The following KIAA1217 variants were observed in gnomAD, a reference collection of about 807,000 sequenced individuals.
KIAA1217 encodes KIAA1217.
A neutral mutation model predicts 163.9 loss-of-function variants in KIAA1217; 88 were observed. That is an observed-to-expected ratio of 0.54 (90% CI 0.45 to 0.64). KIAA1217 has a LOEUF of 0.64. Among genes scored for constraint, KIAA1217 ranks in the 30% least tolerant of loss-of-function variants. KIAA1217 has a pLI of 0.00. For missense variants in KIAA1217, 2,372 were observed against 2,475.0 expected (o/e 0.96, Z 0.88); for synonymous variants, 903 against 923.1 (o/e 0.98, Z 0.39).
At chr10:24,246,128 C>G (rs905126958) in intron 2 of KIAA1217, among the ~76,000 whole-genome samples, 1 of 152,156 alleles carries the variant, frequency 6.6e-6, no homozygotes, top group African/African-American at 2.4e-5. Context: ...TTTAAGACTA[C>G]TGAAGAAAGC....
intron 1 of KIAA1217, among the ~76,000 whole-genome samples, chr10:23,844,660 C>A (rs1838935335): frequency 6.6e-6 from 1 of 151,856 alleles, no homozygotes; most frequent in Admixed American, 6.6e-5. Flanking sequence ...ATATGCACAT[C>A]AATGTTGGAG....
chr10:24,017,473 A>G (rs753511958), intron 2 of KIAA1217, among the ~76,000 whole-genome samples: 6 of 152,092 alleles, frequency 3.9e-5, no homozygotes, highest in Non-Finnish European at 7.4e-5. Context: ...TGCCAACCTT[A>G]ATTAAGATGT....
At chr10:23,811,691 C>A (rs144055815) in intron 1 of KIAA1217, among the ~76,000 whole-genome samples, 81 of 151,956 alleles carry the variant, frequency 5.3e-4, no homozygotes, top group Non-Finnish European at 9.7e-4. Context: ...AGAACCAGGG[C>A]GATGGCAGTG....
intron 3 of KIAA1217, among the ~76,000 whole-genome samples, chr10:24,419,477 C>T (rs1478488537): frequency 6.6e-6 from 1 of 152,152 alleles, no homozygotes; most frequent in Non-Finnish European, 1.5e-5. Context: ...AGACAATTAG[C>T]TAGGTAAGTC....
intron 1 of KIAA1217, among the ~76,000 whole-genome samples, chr10:23,894,214 A>G (rs1443188295): frequency 4.6e-5 from 7 of 150,912 alleles, no homozygotes; most frequent in Non-Finnish European, 1.0e-4. Flanking sequence ...CTGTTTGCAG[A>G]TGACATGATT....
chr10:24,361,311 C>T (rs1448874095), intron 2 of KIAA1217, among the ~76,000 whole-genome samples: 3 of 152,072 alleles, frequency 2.0e-5, no homozygotes, highest in African/African-American at 7.2e-5. Context: ...CCTCAGCCTC[C>T]CAAGTAGTTG....
chr10:24,081,192 C>T (rs2061526609), intron 2 of KIAA1217, among the ~76,000 whole-genome samples: 1 of 152,188 alleles, frequency 6.6e-6, no homozygotes, highest in South Asian at 2.1e-4. Flanking sequence ...ATGTTTGGTG[C>T]CCCAAATCAT....
intron 2 of KIAA1217, among the ~76,000 whole-genome samples, chr10:24,097,577 A>G (rs1454768838): frequency 6.6e-6 from 1 of 152,042 alleles, no homozygotes; most frequent in African/African-American, 2.4e-5. Flanking sequence ...GGAAGGCGAA[A>G]AGAAAAGAAA....
chr10:23,853,475 C>CT (rs1839468015), intron 1 of KIAA1217, among the ~76,000 whole-genome samples: 1 of 152,070 alleles, frequency 6.6e-6, no homozygotes, highest in Non-Finnish European at 1.5e-5. Flanking sequence ...CTAAAATTCT[C>CT]TTTTTTGGTT....
chr10:24,185,120 A>G (rs1275508740), intron 2 of KIAA1217, among the ~76,000 whole-genome samples: 1 of 152,206 alleles, frequency 6.6e-6, no homozygotes, highest in South Asian at 2.1e-4. Flanking sequence ...CCAATCTCTC[A>G]TCTAGAAGGG....
At chr10:24,496,123 A>G (rs1333893933) in intron 8 of KIAA1217, among the ~76,000 whole-genome samples, 1 of 152,258 alleles carries the variant, frequency 6.6e-6, no homozygotes, top group African/African-American at 2.4e-5. Context: ...AGCCACGTGT[A>G]CTAGTTTTGT....
rs564100434 is a variant in KIAA1217, at chr10:24,504,177, CAAA to C, written c.2001+2633_2001+2635del. Among the ~76,000 whole-genome samples, 1,256 of 152,268 alleles carry C rather than the reference CAAA, an allele frequency of 8.2e-3. 17 individuals are homozygous for C. Among genetic ancestry groups the C allele is most frequent in the African/African-American group, 0.029 (1,198 of 41,548 alleles). ...TGTGAAAAAGAGCAGTTTTCTTAAACAAAGAAGGTCTTTGGTCAAGGTCTAGGA... is the reference window on the plus strand; with the variant it reads ...TGTGAAAAAGAGCAGTTTTCTTAAACGAAGGTCTTTGGTCAAGGTCTAGGA... On this transcript the variant is annotated intron_variant, in intron 9 of 20. Transcript: ENST00000376454.
At chr10:24,060,897 A>G (rs1329057581) in intron 2 of KIAA1217, among the ~76,000 whole-genome samples, 1 of 152,228 alleles carries the variant, frequency 6.6e-6, no homozygotes, top group Non-Finnish European at 1.5e-5. Context: ...TTTTATTTGT[A>G]CTAGAGAAGA....
chr10:24,220,000 A>T, intron 2 of KIAA1217, 91 bp downstream of exon 2: 1 of 1,335,158 alleles, frequency 7.5e-7, no homozygotes, highest in Non-Finnish European at 1.0e-6. Flanking sequence ...AAGGTAAAGG[A>T]TAGCTTAGTG....
intron 1 of KIAA1217, among the ~76,000 whole-genome samples, chr10:23,999,945 T>C (rs1017465596): frequency 6.6e-6 from 1 of 151,984 alleles, no homozygotes; most frequent in African/African-American, 2.4e-5. Context: ...CACAAGTCTG[T>C]AGTCCCAGCT....
At chr10:24,398,488 G>T (rs1198103359) in intron 3 of KIAA1217, among the ~76,000 whole-genome samples, 1 of 152,114 alleles carries the variant, frequency 6.6e-6, no homozygotes, top group Non-Finnish European at 1.5e-5. Context: ...TTGACTGAGG[G>T]GCCTAAGGCA....
chr10:24,152,007 T>A (rs1312908767), intron 2 of KIAA1217, among the ~76,000 whole-genome samples: 1 of 152,176 alleles, frequency 6.6e-6, no homozygotes, highest in Non-Finnish European at 1.5e-5. Flanking sequence ...ACCAGAGTAG[T>A]TAAGTTTTGT....
At chr10:24,211,545 G>T (rs143615748) in intron 1 of KIAA1217, among the ~76,000 whole-genome samples, 6,351 of 37,954 alleles carry the variant, frequency 0.17, 628 homozygotes, top group African/African-American at 0.39. Flanking sequence ...GTATTGTATT[G>T]TATTGTATTG....
intron 2 of KIAA1217, chr10:24,158,910 A>G: frequency 5.1e-6 from 1 of 195,448 alleles, no homozygotes; most frequent in Non-Finnish European, 1.1e-5. Context: ...TTTTAGGAAG[A>G]AGCCTTTTTC....
Sources: gnomAD v4.1 joint callset for allele counts (sites outside exome capture counted in the v4.1 genomes callset) on GRCh38, gnomAD v4.1.1 for gene constraint, MANE v1.5 for transcripts, NCBI Gene and HGNC (gene_info 2026-07-23, HGNC 2026-07-21) for gene names.